The following CD163L1 variants were observed in gnomAD, a reference collection of about 807,000 sequenced individuals.
CD163L1 encodes scavenger receptor cysteine-rich type 1 protein M160.
In CD163L1, 124 loss-of-function variants were observed where a neutral mutation model predicts 165.4. That is an observed-to-expected ratio of 0.75 (90% CI 0.65 to 0.87). The LOEUF is 0.87. Among genes scored for constraint, CD163L1 ranks in the 40% least tolerant of loss-of-function variants. The pLI is 0.00. For missense variants in CD163L1, 1,525 were observed against 1,799.9 expected (o/e 0.85, Z 2.76); for synonymous variants, 585 against 662.2 (o/e 0.88, Z 1.79).
chr12:7,320,247 CA>C, the CD163L1 span, among the ~76,000 whole-genome samples: 282 of 151,144 alleles, frequency 1.9e-3, 1 homozygote, highest in Middle Eastern at 0.017. Flanking sequence ...AAGAAAAGGC[CA>C]AAAAAAATGC....
intron 8 of CD163L1, 89 bp downstream of exon 8, chr12:7,396,006 G>T (rs1172467367): frequency 9.9e-7 from 1 of 1,012,300 alleles, no homozygotes; most frequent in Non-Finnish European, 1.4e-6. Flanking sequence ...ATGAGCACTC[G>T]GTCATAAATG....
At chr12:7,441,694 T>C (rs1183154772) in intron 1 of CD163L1, among the ~76,000 whole-genome samples, 1 of 152,240 alleles carries the variant, frequency 6.6e-6, no homozygotes, top group Non-Finnish European at 1.5e-5. Flanking sequence ...TGCTTCATTA[T>C]GGGAATAGAG....
At chr12:7,356,352 T>C (rs778813115) in intron 19 of CD163L1, among the ~76,000 whole-genome samples, 11 of 152,280 alleles carry the variant, frequency 7.2e-5, no homozygotes, top group South Asian at 6.2e-4. Context: ...TTTTGTGTAC[T>C]TTGCCTCTGG....
chr12:7,379,826 A>G (rs1479366544), intron 8 of CD163L1, among the ~76,000 whole-genome samples: 1 of 152,078 alleles, frequency 6.6e-6, no homozygotes, highest in African/African-American at 2.4e-5. Context: ...TCGGGAAAAG[A>G]AAACACAAAA....
chr12:7,324,544 T>A, the CD163L1 span: 2 of 1,613,978 alleles, frequency 1.2e-6, no homozygotes, highest in Admixed American at 3.3e-5. Context: ...TCATTGAGCA[T>A]CCAGCAGTTG....
rs1361227134 is a variant in CD163L1, at chr12:7,377,882, A to G, written c.2371+1096T>C. On this transcript the variant is annotated intron_variant, in intron 9 of 19. Transcript: ENST00000313599. ...TGAATCTAGGCTTTAAAAATTCTCA[A>G]TTTACATTTTATTCCTAGATTTAGT... 4.6e-5 allele frequency among the ~76,000 whole-genome samples: 7 copies of G among 152,276 alleles called. No individual in the cohort carries two copies. In the East Asian group the frequency reaches 1.3e-3, roughly 29 times the overall value.
At chr12:7,331,652 T>G in the CD163L1 span, among the ~76,000 whole-genome samples, 1 of 152,228 alleles carries the variant, frequency 6.6e-6, no homozygotes, top group Non-Finnish European at 1.5e-5. Flanking sequence ...CAGCCACCGC[T>G]GCTGATACCT....
downstream of CD163L1, among the ~76,000 whole-genome samples, chr12:7,346,169 A>C (rs1374310962): frequency 6.6e-6 from 1 of 151,154 alleles, no homozygotes; most frequent in African/African-American, 2.5e-5. Flanking sequence ...TTATGTCTGC[A>C]TGGGTTTCCT....
In CD163L1 at chr12:7,374,762, AG is replaced by A. The variant is rs765900406; in HGVS notation, c.3095-7del. The A allele has an allele frequency of 5.4e-5, 87 of 1,613,718 alleles. No homozygotes were observed. In the African/African-American group the frequency reaches 1.1e-3, roughly 21 times the overall value. On this transcript the variant is annotated splice_polypyrimidine_tract_variant and splice_region_variant and intron_variant, in intron 12 of 19. Transcript: ENST00000313599. This position sits in a 1 kb window ranked among gnomAD's most constrained non-coding sequence, Gnocchi z 5.4. The stretch of plus-strand genomic sequence containing the variant: ...TAGGCGGAGCCGTTTGTCCTCTTAG[AG>A]GAGAAAGTCCAGTTAATAGGTCACA...
At chr12:7,383,838 C>G (rs1947461323) in intron 8 of CD163L1, among the ~76,000 whole-genome samples, 1 of 152,088 alleles carries the variant, frequency 6.6e-6, no homozygotes, top group Non-Finnish European at 1.5e-5. Flanking sequence ...AAAGCCAACC[C>G]CAAAATATGA....
intron 8 of CD163L1, among the ~76,000 whole-genome samples, chr12:7,384,608 GA>G: frequency 6.6e-6 from 1 of 152,186 alleles, no homozygotes; most frequent in Non-Finnish European, 1.5e-5. Flanking sequence ...TTTCCCAGCA[GA>G]AATCTTACAG....
chr12:7,387,923 A>C lies in CD163L1; in HGVS notation c.2050+8172T>G, dbSNP rs755873979. Reference sequence around the variant, plus strand: ...ACCAAAACAGCCTGCTATTGGTATGAAACAGACACATGGACAAATTAAACA... The same window carrying C: ...ACCAAAACAGCCTGCTATTGGTATGCAACAGACACATGGACAAATTAAACA... On this transcript the variant is annotated intron_variant, in intron 8 of 19. Coordinates refer to ENST00000313599, the MANE Select transcript of CD163L1 (RefSeq NM_174941.6). Among the ~76,000 whole-genome samples the C allele has an allele frequency of 8.5e-5, 13 of 152,330 alleles. No individual in the cohort carries two copies. The South Asian group carries it at 2.5e-3, about 29-fold the overall frequency.
At chr12:7,423,046 G>A (rs1391158425) in intron 4 of CD163L1, among the ~76,000 whole-genome samples, 1 of 151,872 alleles carries the variant, frequency 6.6e-6, no homozygotes, top group African/African-American at 2.4e-5. Context: ...GCACCACATA[G>A]CACTTATTCT....
chr12:7,335,485 A>C, the CD163L1 span, among the ~76,000 whole-genome samples: 1 of 152,208 alleles, frequency 6.6e-6, no homozygotes, highest in Non-Finnish European at 1.5e-5. Context: ...CTTATACAAA[A>C]ATTAATTCAA....
intron 4 of CD163L1, among the ~76,000 whole-genome samples, chr12:7,409,626 C>A (rs1948094263): frequency 1.3e-5 from 2 of 152,180 alleles, no homozygotes; most frequent in African/African-American, 4.8e-5. Context: ...CACTGCGTGG[C>A]CCAATTCCTA....
In CD163L1 at chr12:7,374,926, G is replaced by T; in HGVS notation, c.3002-3C>A. ...AAACAGTGGCTGGGTCAGGCTTCCTGGTGGAGGGTGCAGGAAATGGGGCAA... is the reference window on the plus strand; with the variant it reads ...AAACAGTGGCTGGGTCAGGCTTCCTTGTGGAGGGTGCAGGAAATGGGGCAA... On this transcript the variant is annotated splice_region_variant and splice_polypyrimidine_tract_variant and intron_variant, in intron 11 of 19. Coordinates refer to ENST00000313599, the MANE Select transcript of CD163L1 (RefSeq NM_174941.6). The surrounding 1 kb of genome is among the most constrained non-coding windows in gnomAD (Gnocchi z 5.4). The T allele has an allele frequency of 6.2e-7, 1 of 1,614,080 alleles. No homozygotes were observed. The highest frequency in any genetic ancestry group is 8.5e-7 in the Non-Finnish European group (1 of 1,179,948).
intron 4 of CD163L1, among the ~76,000 whole-genome samples, chr12:7,421,287 A>ATG (rs763990408): frequency 0.068 from 7,819 of 114,154 alleles, 809 homozygotes; most frequent in African/African-American, 0.18. Context: ...GTATATATAT[A>ATG]TGTGTGTATA....
the CD163L1 span, among the ~76,000 whole-genome samples, chr12:7,339,291 C>T: frequency 9.2e-5 from 14 of 152,050 alleles, no homozygotes; most frequent in Admixed American, 9.2e-4. Flanking sequence ...CTGACTGAAC[C>T]AATAGTAATA....
At position 7,374,067 on chromosome 12, in the gene CD163L1, T is replaced by A. The variant is rs541908965; in HGVS notation, c.3409+375A>T. Among the ~76,000 whole-genome samples the A allele has an allele frequency of 1.3e-5, 2 of 152,126 alleles. No individual in the cohort carries two copies. Among genetic ancestry groups the A allele is most frequent in the South Asian group, 4.1e-4 (2 of 4,822 alleles). ...TCCTCTTACCACTAGAGACAGAAAC[T>A]AATAACCATGGCTTCAGGCTACTAA... On this transcript the variant is annotated intron_variant, in intron 13 of 19. Coordinates refer to ENST00000313599, the MANE Select transcript of CD163L1 (RefSeq NM_174941.6). The surrounding 1 kb of genome is among the most constrained non-coding windows in gnomAD (Gnocchi z 5.4).
Sources: gnomAD v4.1 joint callset for allele counts (sites outside exome capture counted in the v4.1 genomes callset) on GRCh38, gnomAD v4.1.1 for gene constraint, Gnocchi (gnomAD v3.1) non-coding constraint, MANE v1.5 for transcripts, NCBI Gene and HGNC (gene_info 2026-07-23, HGNC 2026-07-21) for gene names.